The following STK3 variants were observed in gnomAD, a reference collection of about 807,000 sequenced individuals.
STK3 encodes the protein serine/threonine-protein kinase 3.
Under a neutral mutation model 58.0 loss-of-function variants are expected in STK3, and 41 were observed. That is an observed-to-expected ratio of 0.71 (90% CI 0.55 to 0.92). STK3 has a LOEUF of 0.92. STK3 is among the 40% of genes least tolerant of loss of function. The probability of loss-of-function intolerance (pLI) is 0.00; values close to 1 mark genes in which losing one functional copy is unlikely to be tolerated. For synonymous variants in STK3, 170 were observed against 191.0 expected (o/e 0.89, Z 0.91); for missense variants, 479 against 602.7 (o/e 0.79, Z 2.15).
intron 1 of STK3, among the ~76,000 whole-genome samples, chr8:98,385,149 A>C (rs1208678503): frequency 6.6e-6 from 1 of 152,066 alleles, no homozygotes; most frequent in Non-Finnish European, 1.5e-5. Flanking sequence ...GGAAGGTGTA[A>C]AAGGTTTGAT....
chr8:98,613,605 A>AC (rs1460342008), intron 6 of STK3, among the ~76,000 whole-genome samples: 1 of 152,072 alleles, frequency 6.6e-6, no homozygotes, highest in Non-Finnish European at 1.5e-5. Context: ...AGATAAATCA[A>AC]AAGAAAACTC....
intron 10 of STK3, among the ~76,000 whole-genome samples, chr8:98,504,201 A>T (rs571255183): frequency 2.6e-5 from 4 of 152,258 alleles, no homozygotes; most frequent in Admixed American, 2.6e-4. Flanking sequence ...ATCAGAGACT[A>T]GGATTGCAAC....
chr8:98,785,333 G>A (rs1832391951), intron 1 of STK3, among the ~76,000 whole-genome samples: 2 of 152,350 alleles, frequency 1.3e-5, no homozygotes, highest in South Asian at 2.1e-4. Context: ...CAGATGTCCA[G>A]CCATCTGGAG....
At chr8:98,391,763 G>A (rs1281688575), upstream of STK3, among the ~76,000 whole-genome samples, 2 of 152,148 alleles carry the variant, frequency 1.3e-5, no homozygotes, top group Admixed American at 1.3e-4. Flanking sequence ...AGGGTAGAGT[G>A]TGCTTACTCC....
intron 10 of STK3, among the ~76,000 whole-genome samples, chr8:98,522,220 G>A (rs1825417215): frequency 6.6e-6 from 1 of 152,116 alleles, no homozygotes; most frequent in Non-Finnish European, 1.5e-5. Flanking sequence ...GTCAAAAATT[G>A]TGTGTATGTG....
At chr8:98,905,119 G>A (rs1403513700) in intron 1 of STK3, 2 of 1,440,704 alleles carry the variant, frequency 1.4e-6, no homozygotes, top group African/African-American at 2.8e-5. Flanking sequence ...TCTGCCACAC[G>A]ACCCGTACGA....
At chr8:98,708,995 G>A (rs571480996) in intron 4 of STK3, among the ~76,000 whole-genome samples, 1 of 151,918 alleles carries the variant, frequency 6.6e-6, no homozygotes, top group South Asian at 2.1e-4. Context: ...ATTTCTGCCT[G>A]ACCCCTGACT....
intron 1 of STK3, among the ~76,000 whole-genome samples, chr8:98,448,320 T>A (rs187212007): frequency 4.2e-4 from 64 of 152,340 alleles, no homozygotes; most frequent in Middle Eastern, 3.4e-3. Context: ...ATTTGCACAC[T>A]GATTGATTAA....
At chr8:98,477,595 C>A (rs754474588) in intron 10 of STK3, among the ~76,000 whole-genome samples, 39 of 151,260 alleles carry the variant, frequency 2.6e-4, no homozygotes, top group Non-Finnish European at 4.6e-4. Context: ...TCAGTCTCCA[C>A]CAGAAAGGGC....
At chr8:98,787,764 T>C (rs370205231) in intron 1 of STK3, among the ~76,000 whole-genome samples, 5 of 152,172 alleles carry the variant, frequency 3.3e-5, no homozygotes, top group Admixed American at 2.0e-4. Flanking sequence ...CTAGAAGGGA[T>C]TGCAGCCCTG....
At chr8:98,518,440 A>C (rs1163641254) in intron 10 of STK3, among the ~76,000 whole-genome samples, 1 of 152,146 alleles carries the variant, frequency 6.6e-6, no homozygotes, top group Non-Finnish European at 1.5e-5. Flanking sequence ...AAATTCTACT[A>C]AAGAAAAAAA....
intron 6 of STK3, among the ~76,000 whole-genome samples, chr8:98,627,640 G>A (rs1417022819): frequency 1.3e-5 from 2 of 151,942 alleles, no homozygotes; most frequent in East Asian, 3.9e-4. Context: ...CAGAAGCCAA[G>A]CAGATGCTGG....
At position 98,721,176 on chromosome 8, in the gene STK3, T is replaced by C. The variant is rs190888940; in HGVS notation, c.352-13865A>G. 5,729 of 915,002 alleles carry C rather than the reference T, an allele frequency of 6.3e-3. 23 individuals carry two copies. The highest frequency in any genetic ancestry group is 7.0e-3 in the Non-Finnish European group (5,392 of 765,818). 56.7% of individuals were successfully genotyped at this position (915,002 alleles called of 1,614,324 possible). A position where few individuals can be genotyped will look rare whatever the true frequency, so the allele number is the denominator to read the frequency against. On this transcript the variant is annotated intron_variant, in intron 4 of 10. Coordinates refer to ENST00000419617, the MANE Select transcript of STK3 (RefSeq NM_006281.4). ...ATGCTTAATTCTGCTAAAACAAATA[T>C]ATAAATCAAAGATTTAAACATTTTA...
chr8:98,579,497 G>A (rs1420427876), intron 8 of STK3, among the ~76,000 whole-genome samples, 167 bp downstream of exon 8: 2 of 151,996 alleles, frequency 1.3e-5, no homozygotes, highest in Non-Finnish European at 2.9e-5. Context: ...TAAGACATCA[G>A]AAAAAGATAG....
chr8:98,903,366 A>AT (rs967589339), intron 1 of STK3, among the ~76,000 whole-genome samples: 20 of 151,564 alleles, frequency 1.3e-4, no homozygotes, highest in South Asian at 8.4e-4. Flanking sequence ...AATGGGGATG[A>AT]TTTTTTTTTC....
chr8:98,881,346 G>T (rs895342726), downstream of STK3: 1 of 152,208 alleles, frequency 6.6e-6, no homozygotes, highest in Non-Finnish European at 1.5e-5. Flanking sequence ...ACAGTAAAAG[G>T]TCAGTTGTTC....
chr8:98,377,589 A>C (rs983926637), intron 2 of STK3, among the ~76,000 whole-genome samples: 4 of 152,104 alleles, frequency 2.6e-5, no homozygotes, highest in African/African-American at 9.7e-5. Context: ...AGAAAAAAAA[A>C]CCTCATGCAC....
At chr8:98,684,224 G>A (rs1823824756) in intron 6 of STK3, among the ~76,000 whole-genome samples, 2 of 152,106 alleles carry the variant, frequency 1.3e-5, no homozygotes. Flanking sequence ...TTCCAGTAGA[G>A]GCTGCAGAAG....
At chr8:98,656,106 C>G (rs192700426) in intron 6 of STK3, among the ~76,000 whole-genome samples, 9 of 152,068 alleles carry the variant, frequency 5.9e-5, no homozygotes, top group Non-Finnish European at 8.8e-5. Context: ...CAATGATAGA[C>G]TGGATTAAGA....
Sources: gnomAD v4.1 joint callset for allele counts (sites outside exome capture counted in the v4.1 genomes callset) on GRCh38, gnomAD v4.1.1 for gene constraint, MANE v1.5 for transcripts, NCBI Gene and HGNC (gene_info 2026-07-23, HGNC 2026-07-21) for gene names.